THADA: variants seen among roughly 807,000 people sequenced by gnomAD.
The protein encoded by THADA is THADA armadillo repeat containing.
In THADA, 213 loss-of-function variants were observed where a neutral mutation model predicts 219.8. The ratio of observed to expected loss-of-function variants is 0.97; its 90% confidence interval spans 0.87 to 1.09. THADA has a LOEUF of 1.09. Among genes scored for constraint, THADA ranks in the 50% least tolerant of loss-of-function variants. The pLI, the probability that THADA is intolerant of heterozygous loss-of-function variation, is 0.00. For synonymous variants in THADA, 1,018 were observed against 828.9 expected, an observed-to-expected ratio of 1.23 and a Z score of -3.92; for missense variants, 2,956 against 2,311.3, an observed-to-expected ratio of 1.28 and a Z score of -5.72.
chr2:43,372,587 C>A (rs1214260776), intron 29 of THADA, among the ~76,000 whole-genome samples: 1 of 152,098 alleles, frequency 6.6e-6, no homozygotes, highest in East Asian at 1.9e-4. Context: ...CAAATCCCCA[C>A]CCACTCAACA....
In THADA at chr2:43,595,994, C is replaced by T. The variant is rs1289926276; in HGVS notation, c.-88G>A. The T allele has an allele frequency of 6.6e-6, 1 of 152,392 alleles. No homozygotes were observed. Among genetic ancestry groups the T allele is most frequent in the African/African-American group, 2.4e-5 (1 of 41,452 alleles). 9.4% of individuals were successfully genotyped at this position (152,392 alleles called of 1,614,324 possible). A position where few individuals can be genotyped will look rare whatever the true frequency, so the allele number is the denominator to read the frequency against. On this transcript the variant is annotated 5_prime_UTR_variant, in exon 1 of 38. Transcript: ENST00000405975. The stretch of plus-strand genomic sequence containing the variant: ...TGGTCCAGTCCCGGAAGCAGGTCTC[C>T]TTCTACGGCGTCTCCGAGGCTCGCA...
At chr2:43,587,409 G>A (rs1478270173) in intron 4 of THADA, among the ~76,000 whole-genome samples, 1 of 151,732 alleles carries the variant, frequency 6.6e-6, no homozygotes, top group African/African-American at 2.4e-5. Context: ...TTCTTTTCTT[G>A]ATTTTTAAAA....
chr2:43,553,368 AT>A (rs1185414000), intron 17 of THADA, among the ~76,000 whole-genome samples: 2 of 152,150 alleles, frequency 1.3e-5, no homozygotes, highest in Non-Finnish European at 2.9e-5. Context: ...TTGGAAGGTA[AT>A]TAGGTTTAGA....
intron 30 of THADA, among the ~76,000 whole-genome samples, chr2:43,330,135 T>C (rs1679790612): frequency 6.6e-6 from 1 of 152,218 alleles, no homozygotes; most frequent in African/African-American, 2.4e-5. Context: ...TCAATGGCAC[T>C]GCACTGTGTT....
intron 29 of THADA, among the ~76,000 whole-genome samples, chr2:43,393,704 T>A (rs1454308463): frequency 7.3e-6 from 1 of 137,664 alleles, no homozygotes; most frequent in Non-Finnish European, 1.6e-5. Flanking sequence ...CGAGACTCCG[T>A]CTTAAAAAAA....
intron 14 of THADA, among the ~76,000 whole-genome samples, chr2:43,567,493 G>A (rs1698823926): frequency 6.6e-6 from 1 of 152,062 alleles, no homozygotes; most frequent in Non-Finnish European, 1.5e-5. Context: ...CAGGTGTGGT[G>A]GCAGAGGCCT....
intron 8 of THADA, among the ~76,000 whole-genome samples, chr2:43,581,241 TCA>T (rs1012408658): frequency 6.6e-6 from 1 of 151,996 alleles, no homozygotes; most frequent in African/African-American, 2.4e-5. Flanking sequence ...TAGAACTCAG[TCA>T]CCCAGGCTGG....
chr2:43,259,228 C>T (rs1228038085), intron 36 of THADA, among the ~76,000 whole-genome samples: 30 of 152,198 alleles, frequency 2.0e-4, no homozygotes, highest in Non-Finnish European at 1.0e-4. Flanking sequence ...GTCACTACTA[C>T]TGCCCTTGCT....
In THADA at chr2:43,586,920, T is replaced by C. The variant is rs746879882; in HGVS notation, c.385A>G (p.Thr129Ala). The change falls in exon 5 of 38, where the codon ACT becomes GCT. Residue 129 changes from threonine (T) to alanine (A), a missense_variant. Physicochemically the swap from Thr to Ala is moderately conservative, Grantham distance 58. Coordinates refer to ENST00000405975, the MANE Select transcript of THADA (RefSeq NM_022065.5). ...TSRLQEELNTTDLYSYRKVTD... is the reference protein window; with the variant it reads ...TSRLQEELNTADLYSYRKVTD... ...ACTTTCCTGTAAGAGTATAAGTCAGTAGTATTCAATTCTTCCTGAAGACGA... is the reference window on the plus strand; with the variant it reads ...ACTTTCCTGTAAGAGTATAAGTCAGCAGTATTCAATTCTTCCTGAAGACGA... 8.7e-6 allele frequency: 14 copies of C among 1,613,780 alleles called. No homozygotes were observed. In the Admixed American group the frequency reaches 2.2e-4, roughly 25 times the overall value.
intron 22 of THADA, among the ~76,000 whole-genome samples, chr2:43,522,547 AT>A (rs1692630526): frequency 6.6e-6 from 1 of 152,240 alleles, no homozygotes; most frequent in African/African-American, 2.4e-5. Context: ...AAAAATTAAT[AT>A]TAAAAAAATT....
intron 36 of THADA, among the ~76,000 whole-genome samples, chr2:43,238,460 A>G (rs545218970): frequency 1.7e-4 from 26 of 152,344 alleles, no homozygotes; most frequent in African/African-American, 6.0e-4. Flanking sequence ...CTATAATAAA[A>G]AAAAGTTAAG....
chr2:43,525,795 T>C (rs1192336834), intron 22 of THADA, among the ~76,000 whole-genome samples: 3 of 152,200 alleles, frequency 2.0e-5, no homozygotes, highest in Non-Finnish European at 4.4e-5. Flanking sequence ...GCATACATCA[T>C]GTGAGGAGTT....
At chr2:43,312,801 A>C (rs1677662424) in intron 31 of THADA, among the ~76,000 whole-genome samples, 1 of 151,416 alleles carries the variant, frequency 6.6e-6, no homozygotes, top group Non-Finnish European at 1.5e-5. Context: ...CTCTAAAAAT[A>C]TGTTCTCAAT....
chr2:43,280,923 G>C (rs1673274637), intron 35 of THADA, among the ~76,000 whole-genome samples: 1 of 152,248 alleles, frequency 6.6e-6, no homozygotes, highest in African/African-American at 2.4e-5. Context: ...GGAAAGATGA[G>C]AGTGGACTGC....
chr2:43,519,438 A>G (rs547514730), intron 22 of THADA, among the ~76,000 whole-genome samples: 260 of 152,294 alleles, frequency 1.7e-3, no homozygotes, highest in African/African-American at 6.1e-3. Flanking sequence ...AAATTCAATG[A>G]ACATTCCCTG....
chr2:43,300,462 A>T (rs1157868149), intron 31 of THADA, among the ~76,000 whole-genome samples: 1 of 152,182 alleles, frequency 6.6e-6, no homozygotes, highest in Non-Finnish European at 1.5e-5. Flanking sequence ...AGGAAAAGGT[A>T]GGTAAAGAGA....
At chr2:43,438,396 T>A (rs1680417442) in intron 26 of THADA, among the ~76,000 whole-genome samples, 1 of 151,636 alleles carries the variant, frequency 6.6e-6, no homozygotes, top group Non-Finnish European at 1.5e-5. Context: ...ACGTATTGAA[T>A]CTTTCAGAAT....
intron 31 of THADA, among the ~76,000 whole-genome samples, chr2:43,320,147 A>C (rs896919222): frequency 2.6e-5 from 4 of 152,250 alleles, no homozygotes; most frequent in African/African-American, 9.6e-5. Flanking sequence ...ATGACCTTTC[A>C]AAGAAAATAC....
At chr2:43,486,817 T>G (rs971299940) in intron 25 of THADA, 2 of 152,148 alleles carry the variant, frequency 1.3e-5, no homozygotes, top group African/African-American at 4.8e-5. Context: ...GAAATCTATT[T>G]TGAAATGCTG....
Sources: gnomAD v4.1 joint callset for allele counts (sites outside exome capture counted in the v4.1 genomes callset) on GRCh38, gnomAD v4.1.1 for gene constraint, MANE v1.5 for transcripts, NCBI Gene and HGNC (gene_info 2026-07-23, HGNC 2026-07-21) for gene names.